Variants in KIAA0408 observed in about 807,000 individuals in gnomAD.
KIAA0408 encodes the protein KIAA0408.
In KIAA0408, 51 loss-of-function variants were observed where a neutral mutation model predicts 60.9. The ratio of observed to expected loss-of-function variants is 0.84; its 90% confidence interval spans 0.67 to 1.06. KIAA0408 has a LOEUF of 1.06. Ranked by LOEUF, KIAA0408 falls within the 50% of genes least tolerant of loss-of-function variation. The pLI is 0.00. For missense variants in KIAA0408, 787 were observed against 833.9 expected, an observed-to-expected ratio of 0.94 and a Z score of 0.69; for synonymous variants, 304 against 282.4, an observed-to-expected ratio of 1.08 and a Z score of -0.77.
At position 127,444,195 on chromosome 6, in the gene KIAA0408, A is replaced by G; in HGVS notation, c.1999T>C (p.Ser667Pro). 6.2e-7 allele frequency: 1 copy of G among 1,613,784 alleles called. No homozygotes were observed. The highest frequency in any genetic ancestry group is 8.5e-7 in the Non-Finnish European group (1 of 1,179,870). ...ANRRLPSRWA[S>P]RSPSAPPALR... ...GCAGGGGGTGCAGATGGAGATCTGG[A>G]TGCCCATCTGGAGGGGAGACGACGA... The change falls in exon 6 of 6, where the codon TCC (serine) becomes CCC (proline). Residue 667 changes from serine to proline, a missense_variant. Coordinates refer to ENST00000483725, the MANE Select transcript of KIAA0408 (RefSeq NM_014702.5).
At chr6:127,444,958 G>A (rs1773165097) in intron 5 of KIAA0408, among the ~76,000 whole-genome samples, 1 of 151,318 alleles carries the variant, frequency 6.6e-6, no homozygotes, top group Non-Finnish European at 1.5e-5. Context: ...TGGAAAAAAA[G>A]CATTCCTTGG....
chr6:127,453,624 A>G (rs1254694164), intron 2 of KIAA0408, among the ~76,000 whole-genome samples: 1 of 152,148 alleles, frequency 6.6e-6, no homozygotes, highest in African/African-American at 2.4e-5. Context: ...GAAACATTAT[A>G]GAGTGACATT....
At chr6:127,444,977 A>T (rs905864694) in intron 5 of KIAA0408, among the ~76,000 whole-genome samples, 2 of 151,976 alleles carry the variant, frequency 1.3e-5, no homozygotes, top group Non-Finnish European at 2.9e-5. Flanking sequence ...GGTCCTTAAA[A>T]TTAAAACAAA....
chr6:127,456,822 G>A lies in KIAA0408; in HGVS notation c.-121+2353C>T, dbSNP rs148840923. Among the ~76,000 whole-genome samples, 484 of 151,700 alleles carry A rather than the reference G, an allele frequency of 3.2e-3. 3 individuals carry two copies. The highest frequency in any genetic ancestry group is 0.011 in the African/African-American group (459 of 41,178). On this transcript the variant is annotated intron_variant, in intron 1 of 5. Transcript: ENST00000483725. ...TAGAATTGTTTTGGAGATTAAGTGA[G>A]CAAAAGGGAAAAATGCTTAAAAGAA... is the stretch of plus-strand genomic sequence containing the variant.
In KIAA0408 at chr6:127,450,268, G is replaced by C; in HGVS notation, c.220C>G (p.Pro74Ala). The C allele has an allele frequency of 6.2e-7, 1 of 1,613,668 alleles. No individual in the cohort carries two copies. The highest frequency in any genetic ancestry group is 8.5e-7 in the Non-Finnish European group (1 of 1,179,936). The change falls in exon 3 of 6, where the codon CCA (proline) becomes GCA (alanine). Residue 74 changes from proline to alanine, a missense_variant. Around this residue, in one of 3 missense-constraint regions of KIAA0408, gnomAD observed 640 missense variants for 681.3 expected, o/e 0.94. Transcript: ENST00000483725. ...IIDLYHEKTI[P>A]EKVIESSPNY... The stretch of plus-strand genomic sequence containing the variant: ...GGGGAAGATTCTATCACTTTCTCTG[G>C]AATGGTCTTCTCATGGTAAAGATCA...
chr6:127,447,864 C>A (rs750154399), intron 4 of KIAA0408, 124 bp from the exon 5 acceptor site: 466 of 1,220,114 alleles, frequency 3.8e-4, no homozygotes, highest in Admixed American at 8.3e-4. Context: ...CCTCATACAT[C>A]ATTTTTACAT....
Position 127,441,265 on chromosome 6 carries a change from A to G in KIAA0408, c.*2844T>C, listed in dbSNP as rs2114782840. 1 of 152,802 alleles carries G rather than the reference A, an allele frequency of 6.5e-6. No homozygotes were observed. Among genetic ancestry groups the G allele is most frequent in the South Asian group, 2.1e-4 (1 of 4,832 alleles). 9.5% of individuals were successfully genotyped at this position (152,802 alleles called of 1,614,324 possible). The stretch of plus-strand genomic sequence containing the variant: ...TATGGCCACATCTGCAAAATGAAAT[A>G]TGATCATCTTCATTGTCGATATAAA... On this transcript the variant is annotated 3_prime_UTR_variant, in exon 6 of 6. Transcript: ENST00000483725.
Position 127,444,280 on chromosome 6 carries a change from T to G in KIAA0408, c.1914A>C (p.Glu638Asp). 4 of 1,576,414 alleles carry G rather than the reference T, an allele frequency of 2.5e-6. No individual in the cohort carries two copies. Among genetic ancestry groups the G allele is most frequent in the Non-Finnish European group, 3.4e-6 (4 of 1,163,272 alleles). ...CATGTGAGGCGTTCACTGACATGGA[T>G]TCCTAGGACACAAGTAAAAACATTC... ...QGIDPKKITE[E>D]SMSVNASHGK... Residue 638 changes from glutamate to aspartate, a missense_variant and splice_region_variant, in exon 6 of 6, where the codon GAA becomes GAC. Glu to Asp is a conservative substitution (Grantham distance 45). This residue lies in a region of KIAA0408 where 133 missense variants were observed against 119.2 expected (regional missense o/e 1.12). Transcript: ENST00000483725.
In KIAA0408 at chr6:127,441,252, T is replaced by G. The variant is rs1773103723; in HGVS notation, c.*2857A>C. ...GTAAATAATATTTTATGGCCACATC[T>G]GCAAAATGAAATATGATCATCTTCA... On this transcript the variant is annotated 3_prime_UTR_variant, in exon 6 of 6. Transcript: ENST00000483725. 6.6e-6 allele frequency: 1 copy of G among 152,628 alleles called. No individual in the cohort carries two copies. Among genetic ancestry groups the G allele is most frequent in the African/African-American group, 2.4e-5 (1 of 41,454 alleles). The allele number at this position is 152,628 out of a possible 1,614,324, so 9.5% of individuals were successfully genotyped here.
chr6:127,438,845 T>C lies in KIAA0408; in HGVS notation c.*5264A>G, dbSNP rs1773061073. On this transcript the variant is annotated 3_prime_UTR_variant, in exon 6 of 6. Coordinates refer to ENST00000483725, the MANE Select transcript of KIAA0408 (RefSeq NM_014702.5). ...ATTGGAAATTACTGTATGCTTGCTA[T>C]GGTTTGAATACGTACCTCCAAAATT... 1 of 152,244 alleles carries C rather than the reference T, an allele frequency of 6.6e-6. No homozygotes were observed. The highest frequency in any genetic ancestry group is 1.5e-5 in the Non-Finnish European group (1 of 68,042). The allele number at this position is 152,244 out of a possible 1,614,324, so 9.4% of individuals were successfully genotyped here. A position where few individuals can be genotyped will look rare whatever the true frequency, so the allele number is the denominator to read the frequency against.
At chr6:127,450,542 A>G (rs899380322) in intron 2 of KIAA0408, 190 bp from the exon 3 acceptor site, 2 of 896,784 alleles carry the variant, frequency 2.2e-6, no homozygotes, top group African/African-American at 3.4e-5. Context: ...ATGAAACATA[A>G]AGGCTACTTT....
intron 5 of KIAA0408, among the ~76,000 whole-genome samples, chr6:127,445,888 A>C (rs1446624743): frequency 6.6e-6 from 1 of 152,140 alleles, no homozygotes; most frequent in African/African-American, 2.4e-5. Context: ...TTCCACAGAT[A>C]AAAGGACTCT....
rs992512533 is a variant in KIAA0408, at chr6:127,449,921, A to G, written c.499-20T>C. ...AAGAGCCTTTACACATATAAGCAAC[A>G]GCCCGTTAGCACTTTGAAATGTAAA... On this transcript the variant is annotated intron_variant, in intron 3 of 5. Coordinates refer to ENST00000483725, the MANE Select transcript of KIAA0408 (RefSeq NM_014702.5). The G allele has an allele frequency of 6.2e-7, 1 of 1,613,998 alleles. No homozygotes were observed. Among genetic ancestry groups the G allele is most frequent in the South Asian group, 1.1e-5 (1 of 91,078 alleles).
chr6:127,459,213 C>T lies in KIAA0408; in HGVS notation c.-159G>A, dbSNP rs1773446884. ...GAGAAATCCTATGGATGCTCGACCA[C>T]TGGTCAATTAGCAGTGGAAGAAAGT... On this transcript the variant is annotated 5_prime_UTR_variant, in exon 1 of 6. The change creates a new upstream start codon in the 5' untranslated region. Transcript: ENST00000483725. 6.6e-6 allele frequency: 1 copy of T among 152,172 alleles called. No homozygotes were observed. Among genetic ancestry groups the T allele is most frequent in the Non-Finnish European group, 1.5e-5 (1 of 68,038 alleles). 9.4% of individuals were successfully genotyped at this position (152,172 alleles called of 1,614,324 possible).
At position 127,444,192 on chromosome 6, in the gene KIAA0408, T is replaced by G. The variant is rs377321818; in HGVS notation, c.2002A>C (p.Arg668=). Residue 668 remains arginine, a synonymous_variant, in exon 6 of 6, where the codon AGA becomes CGA. Transcript: ENST00000483725. ...NRRLPSRWAS[R]SPSAPPALRR... Reference sequence around the variant, plus strand: ...AAGGCAGGGGGTGCAGATGGAGATCTGGATGCCCATCTGGAGGGGAGACGA... The same window carrying G: ...AAGGCAGGGGGTGCAGATGGAGATCGGGATGCCCATCTGGAGGGGAGACGA... 1.9e-6 allele frequency: 3 copies of G among 1,613,666 alleles called. No individual in the cohort carries two copies. In the African/African-American group the frequency reaches 4.0e-5, roughly 22 times the overall value.
Position 127,450,071 on chromosome 6 carries a change from G to A in KIAA0408, c.417C>T (p.Asp139=). 6.2e-7 allele frequency: 1 copy of A among 1,614,094 alleles called. No homozygotes were observed. The highest frequency in any genetic ancestry group is 1.1e-5 in the South Asian group (1 of 91,084). Residue 139 remains aspartate (D), a synonymous_variant, in exon 3 of 6, where the codon GAC becomes GAT. Coordinates refer to ENST00000483725, the MANE Select transcript of KIAA0408 (RefSeq NM_014702.5). The part of the protein sequence containing the change: ...KVGFLDPLAT[D]NQKECEAWPD... ...GCCAGGCCTCACATTCCTTTTGGTTGTCTGTAGCCAAAGGATCCAAAAACC... is the reference window on the plus strand; with the variant it reads ...GCCAGGCCTCACATTCCTTTTGGTTATCTGTAGCCAAAGGATCCAAAAACC...
In KIAA0408 at chr6:127,446,363, T is replaced by G. The variant is rs199786724; in HGVS notation, c.1911+45A>C. The G allele has an allele frequency of 1.3e-5, 20 of 1,563,090 alleles. No individual in the cohort carries two copies. The African/African-American group carries it at 2.4e-4, about 19-fold the overall frequency. ...ACATATAAACATGATTCAGAGCCAT[T>G]GCTAATATGGATGCTACCAAATTAT... On this transcript the variant is annotated intron_variant, in intron 5 of 5. Coordinates refer to ENST00000483725, the MANE Select transcript of KIAA0408 (RefSeq NM_014702.5).
At chr6:127,455,971 A>T (rs1773385232) in intron 1 of KIAA0408, among the ~76,000 whole-genome samples, 1 of 152,186 alleles carries the variant, frequency 6.6e-6, no homozygotes, top group Non-Finnish European at 1.5e-5. Context: ...CTTGATCTTG[A>T]ATACCTAGTA....
chr6:127,453,802 C>T (rs1317061783), intron 2 of KIAA0408, 45 bp downstream of exon 2: 1 of 1,574,066 alleles, frequency 6.4e-7, no homozygotes, highest in African/African-American at 1.4e-5. Context: ...AATTTTCATC[C>T]TGCACTTAAA....
Sources: allele counts gnomAD v4.1 joint callset (sites outside exome capture counted in the v4.1 genomes callset), GRCh38; gene constraint gnomAD v4.1.1; regional missense constraint gnomAD v4.1.1; transcripts MANE v1.5; gene names NCBI Gene and HGNC (gene_info 2026-07-23, HGNC 2026-07-21).